The following JAKMIP1 variants were observed in gnomAD, a reference collection of about 807,000 sequenced individuals.
The protein encoded by JAKMIP1 is janus kinase and microtubule interacting protein 1.
In JAKMIP1, 33 loss-of-function variants were observed where a neutral mutation model predicts 113.0. The ratio of observed to expected loss-of-function variants is 0.29; its 90% CI spans 0.22 to 0.39. The LOEUF is 0.39. Ranked by LOEUF, JAKMIP1 falls within the 10% of genes least tolerant of loss-of-function variation. The probability of loss-of-function intolerance (pLI) is 1.00; values close to 1 mark genes in which losing one functional copy is unlikely to be tolerated. For synonymous variants in JAKMIP1, 480 were observed against 459.9 expected, an observed-to-expected ratio of 1.04 and a Z score of -0.56; for missense variants, 813 against 1,080.5, an observed-to-expected ratio of 0.75 and a Z score of 3.47.
intron 1 of JAKMIP1, among the ~76,000 whole-genome samples, chr4:6,132,139 T>G (rs34901778): frequency 0.15 from 22,601 of 152,190 alleles, 1,856 homozygotes; most frequent in Middle Eastern, 0.28. Context: ...GTACAGCTTA[T>G]GGATAAGAGC....
intron 1 of JAKMIP1, among the ~76,000 whole-genome samples, chr4:6,115,400 A>AAAAT (rs545390078): frequency 7.2e-5 from 11 of 152,354 alleles, no homozygotes; most frequent in East Asian, 1.9e-4. Context: ...ACTCCATCTC[A>AAAAT]AAATAAATAA....
intron 1 of JAKMIP1, among the ~76,000 whole-genome samples, chr4:6,134,605 G>A (rs1275843604): frequency 5.3e-5 from 8 of 152,124 alleles, no homozygotes; most frequent in African/African-American, 1.2e-4. Flanking sequence ...CTCTGATCAC[G>A]CTGTGCTGGT....
In JAKMIP1 at chr4:6,036,980, A is replaced by G. The variant is rs906491603; in HGVS notation, c.2176-873T>C. Among the ~76,000 whole-genome samples, 678 of 94,958 alleles carry G rather than the reference A, an allele frequency of 7.1e-3. 4 individuals carry two copies. Among genetic ancestry groups the G allele is most frequent in the Non-Finnish European group, 9.9e-3 (510 of 51,396 alleles). 62.3% of individuals were successfully genotyped at this position (94,958 alleles called of 152,430 possible). ...TCCATCACCGAGGCAGAGGCTAACC[A>G]GTATCCCTCCATCACTGAGGCAGAG... On this transcript the variant is annotated intron_variant, in intron 18 of 20. Transcript: ENST00000409021.
chr4:6,175,759 C>T (rs920456231), intron 1 of JAKMIP1, among the ~76,000 whole-genome samples: 10 of 152,348 alleles, frequency 6.6e-5, no homozygotes, highest in African/African-American at 1.9e-4. Flanking sequence ...CTGGAAAAGA[C>T]AGGATTCAAA....
At chr4:6,134,986 G>A (rs768528790) in intron 1 of JAKMIP1, among the ~76,000 whole-genome samples, 10 of 152,218 alleles carry the variant, frequency 6.6e-5, no homozygotes, top group Non-Finnish European at 4.4e-5. Flanking sequence ...ACAAGACAGC[G>A]TCTGGGCTCC....
chr4:6,062,084 T>C (rs577950382), intron 10 of JAKMIP1, among the ~76,000 whole-genome samples: 1 of 152,238 alleles, frequency 6.6e-6, no homozygotes, highest in African/African-American at 2.4e-5. Context: ...AGGTGATATG[T>C]AGCGTTGCTT....
rs941852973 is a variant in JAKMIP1 at position 6,157,456 on chromosome 4, C to A, written c.-148+42797G>T. ...GTAATTTGTGATATTTAGGAAGCTA[C>A]AAATTATAGATATAAGAATCTTCAA... is the stretch of plus-strand genomic sequence containing the variant. On this transcript the variant is annotated intron_variant, in intron 1 of 20. Coordinates refer to ENST00000409021, the MANE Select transcript of JAKMIP1 (RefSeq NM_001099433.2). This position sits in a 1 kb window ranked among gnomAD's most constrained non-coding sequence, Gnocchi z 4.7. 3.7e-4 allele frequency among the ~76,000 whole-genome samples: 56 copies of A among 152,188 alleles called. No individual in the cohort carries two copies. Among genetic ancestry groups the A allele is most frequent in the African/African-American group, 1.3e-3 (54 of 41,450 alleles).
At position 6,129,405 on chromosome 4, in the gene JAKMIP1, G is replaced by T. The variant is rs886434143; in HGVS notation, c.-147-16408C>A. ...TTAAGGGTCCTTGGCCTTGCTCTTG[G>T]ATAAACAAAGCCATGAGTGTTTGAT... On this transcript the variant is annotated intron_variant, in intron 1 of 20. Transcript: ENST00000409021. The surrounding 1 kb of genome is among the most constrained non-coding windows in gnomAD (Gnocchi z 5.4). Among the ~76,000 whole-genome samples, 1 of 152,162 alleles carries T rather than the reference G, an allele frequency of 6.6e-6. No homozygotes were observed. The highest frequency in any genetic ancestry group is 2.4e-5 in the African/African-American group (1 of 41,436).
At chr4:6,148,667 C>T (rs192368429) in intron 1 of JAKMIP1, among the ~76,000 whole-genome samples, 1 of 152,362 alleles carries the variant, frequency 6.6e-6, no homozygotes, top group Admixed American at 6.5e-5. Context: ...CCTGCAGGAG[C>T]CCCAATAAAC....
rs984202318 is a variant in JAKMIP1, at chr4:6,065,752, A to T, written c.1303-744T>A. ...ACGGCCTCTGAGTTGCCCTGCTGGC[A>T]CTTCTCCCACTCCAAATATCATAGG... is the stretch of plus-strand genomic sequence containing the variant. On this transcript the variant is annotated intron_variant, in intron 8 of 20. Transcript: ENST00000409021. The surrounding 1 kb of genome is among the most constrained non-coding windows in gnomAD (Gnocchi z 5.1). 6.6e-6 allele frequency among the ~76,000 whole-genome samples: 1 copy of T among 152,212 alleles called. No individual in the cohort carries two copies. The highest frequency in any genetic ancestry group is 2.4e-5 in the African/African-American group (1 of 41,462).
chr4:6,161,206 CCGATCTCCA>C (rs1722901180), intron 1 of JAKMIP1, among the ~76,000 whole-genome samples: 1 of 149,068 alleles, frequency 6.7e-6, no homozygotes, highest in Non-Finnish European at 1.5e-5. Flanking sequence ...ACTCATCTCC[CCGATCTCCA>C]CTCATCTCCC....
chr4:6,198,292 A>G (rs1296504564), intron 1 of JAKMIP1, among the ~76,000 whole-genome samples: 5 of 147,924 alleles, frequency 3.4e-5, no homozygotes, highest in Admixed American at 6.8e-5. Flanking sequence ...CCACATACTC[A>G]AGGGAGGGGA....
intron 8 of JAKMIP1, among the ~76,000 whole-genome samples, chr4:6,078,336 A>G (rs1319430689): frequency 6.6e-6 from 1 of 150,972 alleles, no homozygotes; most frequent in Admixed American, 6.6e-5. Flanking sequence ...CAAAAAAAAA[A>G]TGGAGAGGAG....
chr4:6,101,257 AGAGT>A lies in JAKMIP1; in HGVS notation c.624+4212_624+4215del, dbSNP rs570058315. Among the ~76,000 whole-genome samples, 100 of 152,158 alleles carry A rather than the reference AGAGT, an allele frequency of 6.6e-4. 1 individual carries two copies. Among genetic ancestry groups the A allele is most frequent in the African/African-American group, 2.1e-3 (88 of 41,500 alleles). On this transcript the variant is annotated intron_variant, in intron 3 of 20. Coordinates refer to ENST00000409021, the MANE Select transcript of JAKMIP1 (RefSeq NM_001099433.2). ...TATAGACTTCATACTCTATATACAG[AGAGT>A]GTGTGTGGTGTGTGTGTGTGTGTAT...
At position 6,113,137 on chromosome 4, in the gene JAKMIP1, T is replaced by G. The variant is rs904330752; in HGVS notation, c.-147-140A>C. 2.6e-5 allele frequency: 10 copies of G among 390,010 alleles called. No homozygotes were observed. The South Asian group carries it at 4.5e-4, about 18-fold the overall frequency. 24.2% of individuals were successfully genotyped at this position (390,010 alleles called of 1,614,324 possible). The stretch of plus-strand genomic sequence containing the variant: ...CCAGACTGACCTAGAGCCTTCCCGA[T>G]GGGGGCTGCAGCAGAATCGCTTGGA... On this transcript the variant is annotated intron_variant, in intron 1 of 20. Coordinates refer to ENST00000409021, the MANE Select transcript of JAKMIP1 (RefSeq NM_001099433.2).
In JAKMIP1 at chr4:6,168,137, C is replaced by T. The variant is rs1723888172; in HGVS notation, c.-148+32116G>A. The stretch of plus-strand genomic sequence containing the variant: ...CGGCTGCAATCAAAAAAGCGCACAA[C>T]AACAAGTGTGGGTGAGCATGTGGGG... On this transcript the variant is annotated intron_variant, in intron 1 of 20. Coordinates refer to ENST00000409021, the MANE Select transcript of JAKMIP1 (RefSeq NM_001099433.2). This position sits in a 1 kb window ranked among gnomAD's most constrained non-coding sequence, Gnocchi z 4.6. Among the ~76,000 whole-genome samples, 1 of 152,222 alleles carries T rather than the reference C, an allele frequency of 6.6e-6. No individual in the cohort carries two copies.
chr4:6,105,456 GA>G lies in JAKMIP1; in HGVS notation c.624+16del. ...GAAGGCCGCGTGCCCGCGGGCGGGG[GA>G]GGGGGCGGCACGTACCAGCCTGCGG... On this transcript the variant is annotated intron_variant, in intron 3 of 20. Transcript: ENST00000409021. 6.4e-7 allele frequency: 1 copy of G among 1,571,570 alleles called. No individual in the cohort carries two copies.
At chr4:6,195,649 G>T (rs964338108) in intron 1 of JAKMIP1, among the ~76,000 whole-genome samples, 1 of 152,076 alleles carries the variant, frequency 6.6e-6, no homozygotes. Flanking sequence ...GAACATACTC[G>T]CTTTATAATC....
rs1270738993 is a variant in JAKMIP1, at chr4:6,108,046, C to T, written c.130-2079G>A. On this transcript the variant is annotated intron_variant, in intron 2 of 20. Coordinates refer to ENST00000409021, the MANE Select transcript of JAKMIP1 (RefSeq NM_001099433.2). The surrounding 1 kb of genome is among the most constrained non-coding windows in gnomAD (Gnocchi z 5.6). ...TGGGCAGAGGCCTGTGCAGGGCAGC[C>T]CGGGGCGTCTAGGGGCTGCTTCCTG... Among the ~76,000 whole-genome samples, 4 of 152,102 alleles carry T rather than the reference C, an allele frequency of 2.6e-5. No homozygotes were observed. The highest frequency in any genetic ancestry group is 4.4e-5 in the Non-Finnish European group (3 of 68,008).
Sources: allele counts gnomAD v4.1 joint callset (sites outside exome capture counted in the v4.1 genomes callset), GRCh38; gene constraint gnomAD v4.1.1; non-coding constraint Gnocchi (gnomAD v3.1); transcripts MANE v1.5; gene names NCBI Gene and HGNC (gene_info 2026-07-23, HGNC 2026-07-21).